EFCAB11: variants seen among roughly 807,000 people sequenced by gnomAD.
EFCAB11 encodes the protein EF-hand calcium-binding domain-containing protein 11.
Under a neutral mutation model 23.0 loss-of-function variants are expected in EFCAB11, and 14 were observed. That is an observed-to-expected ratio of 0.61 (90% CI 0.40 to 0.95). EFCAB11 has a LOEUF of 0.95. Ranked by LOEUF, EFCAB11 falls within the 40% of genes least tolerant of loss-of-function variation. The probability of loss-of-function intolerance (pLI) is 0.00; values close to 1 mark genes in which losing one functional copy is unlikely to be tolerated. For missense variants in EFCAB11, 198 were observed against 195.8 expected (o/e 1.01, Z -0.07); for synonymous variants, 65 against 66.6 (o/e 0.98, Z 0.11).
In EFCAB11 at chr14:89,913,878, T is replaced by C. The variant is rs1011940152; in HGVS notation, c.410+17663A>G. ...TCATAGATCAGGGCTGCTTATCAAT[T>C]CCTGCCAAGCAGAAAGCATCCTGCT... On this transcript the variant is annotated intron_variant, in intron 5 of 5. Coordinates refer to ENST00000316738, the MANE Select transcript of EFCAB11 (RefSeq NM_145231.4). 5.4e-4 allele frequency among the ~76,000 whole-genome samples: 82 copies of C among 152,190 alleles called. 1 individual carries two copies. Among genetic ancestry groups the C allele is most frequent in the Non-Finnish European group, 1.8e-4 (12 of 68,036 alleles).
At chr14:89,952,306 C>T (rs1168660774) in intron 2 of EFCAB11, 2 of 699,828 alleles carry the variant, frequency 2.9e-6, no homozygotes, top group Non-Finnish European at 1.8e-6. Context: ...TGTTACATCA[C>T]TGTATCTGTC....
At chr14:89,857,650 T>C (rs1428614033) in intron 5 of EFCAB11, among the ~76,000 whole-genome samples, 1 of 152,214 alleles carries the variant, frequency 6.6e-6, no homozygotes, top group Non-Finnish European at 1.5e-5. Flanking sequence ...GCTCCTCTAA[T>C]CCTAGGTGAA....
intron 5 of EFCAB11, among the ~76,000 whole-genome samples, chr14:89,912,855 G>A (rs1043200542): frequency 6.6e-6 from 1 of 152,236 alleles, no homozygotes; most frequent in Non-Finnish European, 1.5e-5. Context: ...ATGGGAAGAT[G>A]AATGTTTCAT....
At chr14:89,820,849 G>T (rs1237446738) in intron 5 of EFCAB11, among the ~76,000 whole-genome samples, 1 of 151,766 alleles carries the variant, frequency 6.6e-6, no homozygotes, top group African/African-American at 2.4e-5. Flanking sequence ...TCTAGACATT[G>T]CTATGAAGGT....
intron 5 of EFCAB11, among the ~76,000 whole-genome samples, chr14:89,891,126 G>A (rs1011116520): frequency 1.3e-5 from 2 of 152,082 alleles, no homozygotes; most frequent in Non-Finnish European, 2.9e-5. Context: ...AAGGAGCCTG[G>A]CAAAAACACA....
At chr14:89,901,819 GA>G (rs1348583873) in intron 5 of EFCAB11, among the ~76,000 whole-genome samples, 2 of 152,018 alleles carry the variant, frequency 1.3e-5, no homozygotes, top group Non-Finnish European at 2.9e-5. Context: ...TCTGAAATCT[GA>G]AAGCTCCAAA....
At chr14:89,854,048 A>G (rs1160556107) in intron 5 of EFCAB11, among the ~76,000 whole-genome samples, 2 of 152,214 alleles carry the variant, frequency 1.3e-5, no homozygotes, top group African/African-American at 2.4e-5. Flanking sequence ...CAGCACATCT[A>G]AAATGATTCA....
chr14:89,912,061 G>C (rs1889697276), intron 5 of EFCAB11, among the ~76,000 whole-genome samples: 1 of 152,218 alleles, frequency 6.6e-6, no homozygotes, highest in South Asian at 2.1e-4. Flanking sequence ...AATTGTTCTA[G>C]AACACGCTTT....
chr14:89,916,007 G>C (rs1889828260), intron 5 of EFCAB11, among the ~76,000 whole-genome samples: 1 of 151,928 alleles, frequency 6.6e-6, no homozygotes, highest in Non-Finnish European at 1.5e-5. Flanking sequence ...GCCACACCTA[G>C]CAATGGATAC....
chr14:89,940,986 G>GCCCTTC (rs1890772389), intron 3 of EFCAB11, among the ~76,000 whole-genome samples: 1 of 152,126 alleles, frequency 6.6e-6, no homozygotes, highest in African/African-American at 2.4e-5. Flanking sequence ...CACAGCCTTT[G>GCCCTTC]CCCTTCATAG....
intron 5 of EFCAB11, among the ~76,000 whole-genome samples, chr14:89,891,271 A>T (rs1888955006): frequency 1.3e-5 from 2 of 152,256 alleles, no homozygotes; most frequent in South Asian, 4.1e-4. Context: ...CAGCAGAAGC[A>T]GACATAAATA....
At chr14:89,836,226 C>T (rs936602305) in intron 5 of EFCAB11, among the ~76,000 whole-genome samples, 11 of 151,866 alleles carry the variant, frequency 7.2e-5, no homozygotes, top group African/African-American at 2.4e-4. Flanking sequence ...ACAGAGGCGA[C>T]CCTACCCTGG....
At chr14:89,874,276 C>A (rs1254290776) in intron 5 of EFCAB11, among the ~76,000 whole-genome samples, 2 of 152,182 alleles carry the variant, frequency 1.3e-5, no homozygotes, top group African/African-American at 4.8e-5. Flanking sequence ...CCTGAGACTG[C>A]ACAAAGCAGC....
intron 5 of EFCAB11, chr14:89,924,617 A>G: frequency 6.5e-7 from 1 of 1,535,314 alleles, no homozygotes; most frequent in African/African-American, 1.4e-5. Context: ...CAAAGTCAAG[A>G]AAGAACTTTA....
At chr14:89,866,640 TG>T (rs1888101129) in intron 5 of EFCAB11, among the ~76,000 whole-genome samples, 1 of 152,216 alleles carries the variant, frequency 6.6e-6, no homozygotes, top group African/African-American at 2.4e-5. Flanking sequence ...GACCCAGCCT[TG>T]ATCTCCTTGT....
intron 5 of EFCAB11, among the ~76,000 whole-genome samples, chr14:89,878,835 AT>A (rs1264646374): frequency 3.9e-5 from 6 of 152,102 alleles, no homozygotes; most frequent in Middle Eastern, 3.4e-3. Flanking sequence ...TTCATCTTGT[AT>A]CTGACCACTT....
intron 5 of EFCAB11, among the ~76,000 whole-genome samples, chr14:89,832,399 A>G (rs1886915942): frequency 1.3e-5 from 2 of 152,022 alleles, no homozygotes; most frequent in Admixed American, 1.3e-4. Flanking sequence ...GTGTTTTTAA[A>G]TTTTTAAATG....
chr14:89,926,143 A>G (rs560266237), intron 5 of EFCAB11, among the ~76,000 whole-genome samples: 1 of 152,302 alleles, frequency 6.6e-6, no homozygotes, highest in African/African-American at 2.4e-5. Flanking sequence ...ACACTGAAAA[A>G]AGTCTCAAAT....
chr14:89,822,546 G>C (rs1886558705), intron 5 of EFCAB11, among the ~76,000 whole-genome samples: 1 of 152,192 alleles, frequency 6.6e-6, no homozygotes, highest in African/African-American at 2.4e-5. Flanking sequence ...AGAATTTGTA[G>C]GGCAGAGTAC....
Sources: allele counts gnomAD v4.1 joint callset (sites outside exome capture counted in the v4.1 genomes callset), GRCh38; gene constraint gnomAD v4.1.1; transcripts MANE v1.5; gene names NCBI Gene and HGNC (gene_info 2026-07-23, HGNC 2026-07-21).